The following TRAK1 variants were observed in gnomAD, a reference collection of about 807,000 sequenced individuals.
TRAK1 encodes trafficking kinesin protein 1, also known as trafficking kinesin-binding protein 1.
A neutral mutation model predicts 92.1 loss-of-function variants in TRAK1; 33 were observed. That is an observed-to-expected ratio of 0.36 (90% CI 0.27 to 0.48). TRAK1 has a LOEUF of 0.48. Among genes scored for constraint, TRAK1 ranks in the 20% least tolerant of loss-of-function variants. TRAK1 has a pLI of 0.99. For missense variants in TRAK1, 1,123 were observed against 1,257.9 expected, an observed-to-expected ratio of 0.89 and a Z score of 1.62; for synonymous variants, 521 against 517.3, an observed-to-expected ratio of 1.01 and a Z score of -0.10.
chr3:42,169,181 T>G (rs1487824205), intron 2 of TRAK1, among the ~76,000 whole-genome samples: 1 of 151,828 alleles, frequency 6.6e-6, no homozygotes, highest in Non-Finnish European at 1.5e-5. Flanking sequence ...ATCTCTATAA[T>G]TTTCCTTTTC....
Position 42,184,708 on chromosome 3 carries a change from C to G in TRAK1, c.387C>G (p.Ala129=), listed in dbSNP as rs377073086. 6.2e-6 allele frequency: 10 copies of G among 1,613,926 alleles called. No individual in the cohort carries two copies. The highest frequency in any genetic ancestry group is 4.4e-5 in the South Asian group (4 of 91,074). Residue 129 remains alanine (A), a synonymous_variant, in exon 4 of 16, where the codon GCC becomes GCG. Transcript: ENST00000327628. ...LEEKERDLEL[A]ARIGQSLLKK... The stretch of plus-strand genomic sequence containing the variant: ...AGAAAGAGCGGGATTTAGAATTGGC[C>G]GCTCGCATCGGCCAGTCGTTGTTGA...
intron 1 of TRAK1, among the ~76,000 whole-genome samples, chr3:42,060,384 C>A (rs1703380389): frequency 6.6e-6 from 1 of 151,892 alleles, no homozygotes; most frequent in African/African-American, 2.4e-5. Context: ...AGGGAGATTC[C>A]AGGTAGAGGG....
chr3:42,196,840 G>A (rs984573845), intron 10 of TRAK1, among the ~76,000 whole-genome samples: 3 of 151,724 alleles, frequency 2.0e-5, no homozygotes, highest in Admixed American at 6.6e-5. Context: ...GAGCCGCCGC[G>A]CCTGGCCCTA....
chr3:42,030,817 C>T lies in TRAK1; in HGVS notation c.-519+16700C>T, dbSNP rs532700237. On this transcript the variant is annotated intron_variant, in intron 1 of 16. Transcript: ENST00000487159. ...CCGGTATTTGAGAACTAGGTGGAAG[C>T]ATCTTCATCTCAAGCTAGAAGTAGT... Among the ~76,000 whole-genome samples, 17 of 148,856 alleles carry T rather than the reference C, an allele frequency of 1.1e-4. No homozygotes were observed. In the East Asian group the frequency reaches 3.1e-3, roughly 27 times the overall value.
chr3:42,154,081 A>G (rs1420486631), intron 2 of TRAK1, among the ~76,000 whole-genome samples: 1 of 152,260 alleles, frequency 6.6e-6, no homozygotes, highest in African/African-American at 2.4e-5. Flanking sequence ...TGAGGACTAG[A>G]GACTTGGCAA....
At chr3:42,063,713 C>G (rs1419377781) in intron 1 of TRAK1, among the ~76,000 whole-genome samples, 1 of 150,918 alleles carries the variant, frequency 6.6e-6, no homozygotes, top group Non-Finnish European at 1.5e-5. Context: ...GTGGTGGGAG[C>G]CACACAGTGA....
chr3:42,117,403 C>T (rs1709303328), intron 1 of TRAK1, among the ~76,000 whole-genome samples: 1 of 152,098 alleles, frequency 6.6e-6, no homozygotes, highest in Admixed American at 6.6e-5. Context: ...CTGCCATTGC[C>T]TCTTTCTGGC....
At position 42,160,570 on chromosome 3, in the gene TRAK1, T is replaced by G. The variant is rs1234924533; in HGVS notation, c.287-16244T>G. On this transcript the variant is annotated intron_variant, in intron 2 of 15. Coordinates refer to ENST00000327628, the MANE Select transcript of TRAK1 (RefSeq NM_001042646.3). ...ATTTCATAGCACTGTTTTGTTTTTG[T>G]TTTTTTTTAAGTTGAGGTATAAGTT... 44 of 1,344,998 alleles carry G rather than the reference T, an allele frequency of 3.3e-5. No homozygotes were observed. In the East Asian group the frequency reaches 9.7e-4, roughly 30 times the overall value. The allele number at this position is 1,344,998 out of a possible 1,614,324, so 83.3% of individuals were successfully genotyped here.
chr3:42,206,203 G>A (rs1413854408), intron 13 of TRAK1, among the ~76,000 whole-genome samples: 1 of 152,218 alleles, frequency 6.6e-6, no homozygotes, highest in African/African-American at 2.4e-5. Flanking sequence ...CCACATGATG[G>A]TTTAGGCAGC....
At chr3:42,169,862 A>G (rs1166244371) in intron 2 of TRAK1, among the ~76,000 whole-genome samples, 1 of 152,226 alleles carries the variant, frequency 6.6e-6, no homozygotes, top group Non-Finnish European at 1.5e-5. Context: ...CAGATTTTAC[A>G]AAAGTGGGCA....
At position 42,202,308 on chromosome 3, in the gene TRAK1, C is replaced by A; in HGVS notation, c.1428-128C>A. 1.9e-6 allele frequency: 2 copies of A among 1,046,466 alleles called. No homozygotes were observed. The highest frequency in any genetic ancestry group is 4.1e-5 in the South Asian group (1 of 24,520). The allele number at this position is 1,046,466 out of a possible 1,614,324, so 64.8% of individuals were successfully genotyped here. ...CCCCCTGTTGCCTAAATGTCAACTGCTTGCCTTGGTTCCCATGGAGAATCC... is the reference window on the plus strand; with the variant it reads ...CCCCCTGTTGCCTAAATGTCAACTGATTGCCTTGGTTCCCATGGAGAATCC... On this transcript the variant is annotated intron_variant, in intron 12 of 15. Coordinates refer to ENST00000327628, the MANE Select transcript of TRAK1 (RefSeq NM_001042646.3). This position sits in a 1 kb window ranked among gnomAD's most constrained non-coding sequence, Gnocchi z 6.1.
intron 1 of TRAK1, among the ~76,000 whole-genome samples, chr3:42,075,588 A>G (rs1432899333): frequency 6.6e-6 from 1 of 152,188 alleles, no homozygotes; most frequent in Non-Finnish European, 1.5e-5. Context: ...AGGCTGACCT[A>G]ATTTATAATA....
chr3:42,021,830 C>A (rs1471666352), intron 1 of TRAK1, among the ~76,000 whole-genome samples: 1 of 152,164 alleles, frequency 6.6e-6, no homozygotes, highest in African/African-American at 2.4e-5. Context: ...GCCTCGGCCT[C>A]CCAAAGTGCT....
At position 42,223,246 on chromosome 3, in the gene TRAK1, A is replaced by T; in HGVS notation, c.2371A>T (p.Thr791Ser). ...TPPNSPMQTP[T>S]SSPPSFEFKC... is the part of the protein sequence containing the mutation. ...GCCGAACTCGCCTATGCAGACACCCACATCCTCCCCACCCTCCTTTGAGTT... is the reference window on the plus strand; with the variant it reads ...GCCGAACTCGCCTATGCAGACACCCTCATCCTCCCCACCCTCCTTTGAGTT... The change falls in exon 16 of 16, where the codon ACA becomes TCA. Residue 791 changes from threonine (T) to serine (S), a missense_variant. By Grantham distance (58) the Thr-to-Ser change is moderately conservative. This residue lies in a region of TRAK1 where 401 missense variants were observed against 438.9 expected (regional missense o/e 0.91). Transcript: ENST00000327628. The surrounding 1 kb of genome is among the most constrained non-coding windows in gnomAD (Gnocchi z 6.1). The T allele has an allele frequency of 6.2e-7, 1 of 1,614,074 alleles. No individual in the cohort carries two copies. The highest frequency in any genetic ancestry group is 1.1e-5 in the South Asian group (1 of 91,074).
intron 1 of TRAK1, among the ~76,000 whole-genome samples, chr3:42,080,246 G>A (rs759566761): frequency 5.3e-5 from 8 of 152,280 alleles, no homozygotes; most frequent in East Asian, 1.9e-4. Flanking sequence ...TTGAACAACC[G>A]TGCGTTAAGT....
chr3:42,166,779 A>C (rs1380437506), intron 2 of TRAK1, among the ~76,000 whole-genome samples: 1 of 152,248 alleles, frequency 6.6e-6, no homozygotes, highest in Admixed American at 6.5e-5. Flanking sequence ...CTGATAAGCA[A>C]TAAAAGGAAG....
chr3:42,141,802 C>T (rs1042453600), intron 2 of TRAK1, among the ~76,000 whole-genome samples: 3 of 152,146 alleles, frequency 2.0e-5, no homozygotes, highest in African/African-American at 7.2e-5. Flanking sequence ...TAGGGCCCAC[C>T]TCAATCCAGG....
chr3:42,085,275 C>G (rs561645555), upstream of TRAK1, among the ~76,000 whole-genome samples: 64 of 152,284 alleles, frequency 4.2e-4, no homozygotes, highest in African/African-American at 1.5e-3. Context: ...TCAAGTGATT[C>G]TCCTGCCTCA....
intron 1 of TRAK1, among the ~76,000 whole-genome samples, chr3:42,112,436 A>G (rs1708564188): frequency 6.7e-6 from 1 of 149,188 alleles, no homozygotes; most frequent in Non-Finnish European, 1.5e-5. Context: ...TCAAAAAAAA[A>G]AGGAAACAAT....
Sources: gnomAD v4.1 joint callset for allele counts (sites outside exome capture counted in the v4.1 genomes callset) on GRCh38, gnomAD v4.1.1 for gene constraint, gnomAD v4.1.1 regional missense constraint, Gnocchi (gnomAD v3.1) non-coding constraint, MANE v1.5 for transcripts, NCBI Gene and HGNC (gene_info 2026-07-23, HGNC 2026-07-21) for gene names.